Variants in CDH4 observed in about 807,000 individuals in gnomAD.
CDH4 encodes the protein cadherin-4.
Under a neutral mutation model 86.0 loss-of-function variants are expected in CDH4, and 33 were observed. The ratio of observed to expected loss-of-function variants is 0.38; its 90% CI spans 0.29 to 0.51. The LOEUF is 0.51. Ranked by LOEUF, CDH4 falls within the 20% of genes least tolerant of loss-of-function variation. The pLI, the probability that CDH4 is intolerant of heterozygous loss-of-function variation, is 0.86. For synonymous variants in CDH4, 555 were observed against 549.4 expected, an observed-to-expected ratio of 1.01 and a Z score of -0.14; for missense variants, 1,114 against 1,307.4, an observed-to-expected ratio of 0.85 and a Z score of 2.28.
At chr20:61,591,106 A>G (rs894819759) in intron 2 of CDH4, among the ~76,000 whole-genome samples, 3 of 152,004 alleles carry the variant, frequency 2.0e-5, no homozygotes, top group Non-Finnish European at 4.4e-5. Context: ...GATAAGTACC[A>G]GGGCTGGACC....
At chr20:61,654,109 C>T (rs1023129926) in intron 2 of CDH4, among the ~76,000 whole-genome samples, 22 of 152,188 alleles carry the variant, frequency 1.4e-4, no homozygotes, top group East Asian at 3.9e-4. Context: ...GCTGAGATCA[C>T]GCCACTGCAC....
intron 4 of CDH4, among the ~76,000 whole-genome samples, chr20:61,790,873 A>G (rs1979156278): frequency 6.6e-6 from 1 of 150,516 alleles, no homozygotes; most frequent in African/African-American, 2.5e-5. Flanking sequence ...CCATCCGTAT[A>G]TCCATCCTTC....
rs6101311 is a variant in CDH4, at chr20:61,325,888, G to A, written c.169+70951G>A. Among the ~76,000 whole-genome samples, 715 of 152,280 alleles carry A rather than the reference G, an allele frequency of 4.7e-3. 10 individuals are homozygous for A. Among genetic ancestry groups the A allele is most frequent in the African/African-American group, 0.017 (687 of 41,554 alleles). On this transcript the variant is annotated intron_variant, in intron 2 of 15. Coordinates refer to ENST00000614565, the MANE Select transcript of CDH4 (RefSeq NM_001794.5). ...CTTGCCACGGGTGCCGACGCAAGTG[G>A]GTTGCCTCTTTTCCCACCAGAGCCC...
intron 2 of CDH4, among the ~76,000 whole-genome samples, chr20:61,547,379 AT>A (rs1241756629): frequency 1.3e-5 from 2 of 150,710 alleles, no homozygotes; most frequent in South Asian, 4.2e-4. Context: ...CGCCCGGCTA[AT>A]TTTTTTTGTA....
chr20:61,579,285 ATTTT>A (rs11483950), intron 2 of CDH4, among the ~76,000 whole-genome samples: 8 of 129,566 alleles, frequency 6.2e-5, no homozygotes, highest in African/African-American at 1.8e-4. Flanking sequence ...CTCGATGGAG[ATTTT>A]TTTTTTTTTT....
intron 2 of CDH4, among the ~76,000 whole-genome samples, chr20:61,557,461 T>C (rs2086185947): frequency 6.6e-6 from 1 of 152,216 alleles, no homozygotes; most frequent in Admixed American, 6.5e-5. Flanking sequence ...GCCAATTCCA[T>C]TCCATGGTTG....
chr20:61,599,840 CCCGCTTCCCTTCG>C (rs2086584536), intron 2 of CDH4: 2 of 985,546 alleles, frequency 2.0e-6, no homozygotes, highest in Non-Finnish European at 2.4e-6. Flanking sequence ...GAAGCTGAAG[CCCGCTTCCCTTCG>C]CCGCACACAA....
intron 2 of CDH4, among the ~76,000 whole-genome samples, chr20:61,297,554 C>T (rs894338801): frequency 1.3e-5 from 2 of 152,270 alleles, no homozygotes; most frequent in African/African-American, 2.4e-5. Flanking sequence ...CTGGGCGTGG[C>T]CCACTGACAG....
chr20:61,723,823 A>G (rs2088072610), intron 2 of CDH4, among the ~76,000 whole-genome samples: 1 of 152,198 alleles, frequency 6.6e-6, no homozygotes, highest in Non-Finnish European at 1.5e-5. Context: ...CAGCCCTAGA[A>G]ACCTGGAAGT....
chr20:61,760,138 C>T (rs964137428), intron 3 of CDH4, among the ~76,000 whole-genome samples: 1 of 150,938 alleles, frequency 6.6e-6, no homozygotes, highest in Non-Finnish European at 1.5e-5. Flanking sequence ...TCTGTATCTT[C>T]GCTTTTGGTG....
intron 2 of CDH4, among the ~76,000 whole-genome samples, chr20:61,572,824 TATGG>T (rs56253553): frequency 0.045 from 6,516 of 146,124 alleles, 220 homozygotes; most frequent in African/African-American, 0.09. Context: ...TTCAGAACAC[TATGG>T]ATGGATGGAT....
chr20:61,387,202 ACC>A (rs1312391185), intron 2 of CDH4, among the ~76,000 whole-genome samples: 1 of 151,900 alleles, frequency 6.6e-6, no homozygotes, highest in Non-Finnish European at 1.5e-5. Context: ...ACACACACAA[ACC>A]CACACACAGA....
At chr20:61,431,464 A>T (rs554175895) in intron 2 of CDH4, among the ~76,000 whole-genome samples, 1 of 148,186 alleles carries the variant, frequency 6.7e-6, no homozygotes, top group African/African-American at 2.5e-5. Context: ...GTTTCAAGTG[A>T]TCCTCCCACC....
chr20:61,363,410 A>ATCTC lies in CDH4; in HGVS notation c.169+108488_169+108491dup, dbSNP rs144743532. On this transcript the variant is annotated intron_variant, in intron 2 of 15. Coordinates refer to ENST00000614565, the MANE Select transcript of CDH4 (RefSeq NM_001794.5). The stretch of plus-strand genomic sequence containing the variant: ...TTGAGAGGCATAAAAGAATCTAAAT[A>ATCTC]TCTCTCTCTCTCTCTCTCACATACA... Among the ~76,000 whole-genome samples the ATCTC allele has an allele frequency of 1.5e-3, 225 of 150,490 alleles. 5 individuals carry two copies. Among genetic ancestry groups the ATCTC allele is most frequent in the Admixed American group, 0.015 (220 of 15,096 alleles).
At chr20:61,734,888 T>C (rs967576530) in intron 2 of CDH4, among the ~76,000 whole-genome samples, 1 of 152,232 alleles carries the variant, frequency 6.6e-6, no homozygotes, top group South Asian at 2.1e-4. Flanking sequence ...ATCTCCCTCC[T>C]GAGTCCCCAG....
intron 2 of CDH4, among the ~76,000 whole-genome samples, chr20:61,349,252 C>T (rs1034041872): frequency 6.6e-6 from 1 of 152,192 alleles, no homozygotes; most frequent in Non-Finnish European, 1.5e-5. Context: ...CTGCCCCAAC[C>T]CAAGGCTGCT....
chr20:61,862,070 G>A (rs900324407), intron 6 of CDH4, among the ~76,000 whole-genome samples: 21 of 152,304 alleles, frequency 1.4e-4, no homozygotes, highest in Admixed American at 6.5e-4. Context: ...AGCCCAGGGC[G>A]CTGTCCCCCA....
intron 4 of CDH4, among the ~76,000 whole-genome samples, chr20:61,808,851 C>T (rs1287881476): frequency 6.7e-6 from 1 of 149,390 alleles, no homozygotes; most frequent in African/African-American, 2.4e-5. Context: ...TTGTTTAAAT[C>T]AACTTCTTTT....
intron 6 of CDH4, among the ~76,000 whole-genome samples, chr20:61,869,296 C>T (rs984197571): frequency 2.6e-5 from 4 of 152,200 alleles, no homozygotes; most frequent in South Asian, 2.1e-4. Context: ...CAGCTCAGCA[C>T]CTGCTTCTGT....
Sources: allele counts gnomAD v4.1 joint callset (sites outside exome capture counted in the v4.1 genomes callset), GRCh38; gene constraint gnomAD v4.1.1; transcripts MANE v1.5; gene names NCBI Gene and HGNC (gene_info 2026-07-23, HGNC 2026-07-21).